DGLUCY: variants seen among roughly 807,000 people sequenced by gnomAD.
DGLUCY encodes D-glutamate cyclase.
Under a neutral mutation model 58.5 loss-of-function variants are expected in DGLUCY, and 58 were observed. The observed-to-expected ratio is 0.99, with a 90% CI of 0.80 to 1.23. The LOEUF (loss-of-function observed/expected upper bound fraction) is 1.23, where lower values mean the gene tolerates loss of function less well. Ranked by LOEUF, DGLUCY falls within the 50% of genes most tolerant of loss-of-function variation. DGLUCY has a pLI of 0.00. For missense variants in DGLUCY, 779 were observed against 784.7 expected (o/e 0.99, Z 0.09); for synonymous variants, 325 against 314.1 (o/e 1.03, Z -0.37).
At chr14:91,179,256 G>T (rs2049025533) in intron 7 of DGLUCY, among the ~76,000 whole-genome samples, 1 of 152,138 alleles carries the variant, frequency 6.6e-6, no homozygotes, top group African/African-American at 2.4e-5. Flanking sequence ...AGCACTTAAT[G>T]AGCTAGGCAT....
chr14:91,167,303 G>T lies in DGLUCY; in HGVS notation c.182G>T (p.Gly61Val). Reference sequence around the variant, plus strand: ...GAAAGATTCTGCCAGGTCAACACTGGTCCTCTACCCCTGCTGGGCCAGAGT... The same window carrying T: ...GAAAGATTCTGCCAGGTCAACACTGTTCCTCTACCCCTGCTGGGCCAGAGT... ...AFERFCQVNT[G>V]PLPLLGQSEP... Residue 61 changes from glycine (G) to valine (V), a missense_variant, in exon 4 of 14, where the codon GGT (glycine) becomes GTT (valine). Gly to Val is a moderately radical substitution (Grantham distance 109, BLOSUM62 -3). Coordinates refer to ENST00000256324, the MANE Select transcript of DGLUCY (RefSeq NM_001102368.3). 6.2e-7 allele frequency: 1 copy of T among 1,613,866 alleles called. No homozygotes were observed. The highest frequency in any genetic ancestry group is 2.2e-5 in the East Asian group (1 of 44,890).
At chr14:91,118,100 AGACG>A (rs1460824040) in intron 1 of DGLUCY, among the ~76,000 whole-genome samples, 2 of 98,754 alleles carry the variant, frequency 2.0e-5, no homozygotes, top group African/African-American at 8.3e-5. Context: ...TTTTTTTTTT[AGACG>A]GAGTCTCACT....
chr14:91,202,546 GGTTGGCTTCCAGCTTCCT>G lies in DGLUCY; in HGVS notation c.1445-2121_1445-2104del, dbSNP rs57212312. On this transcript the variant is annotated intron_variant, in intron 11 of 13. Coordinates refer to ENST00000256324, the MANE Select transcript of DGLUCY (RefSeq NM_001102368.3). Reference sequence around the variant, plus strand: ...GCTGTGGGTGTGGTGCACACAGTGCGGTTGGCTTCCAGCTTCCTGTTGGCTTCCAGCTTCCTGTTGGCT... The same window carrying G: ...GCTGTGGGTGTGGTGCACACAGTGCGGTTGGCTTCCAGCTTCCTGTTGGCT... Among the ~76,000 whole-genome samples the G allele has an allele frequency of 2.0e-3, 303 of 152,224 alleles. 2 individuals carry two copies. Among genetic ancestry groups the G allele is most frequent in the African/African-American group, 6.5e-3 (269 of 41,546 alleles).
exon 1 of DGLUCY, chr14:91,060,446 T>A (rs748448128): frequency 1.4e-6 from 2 of 1,453,418 alleles, no homozygotes; most frequent in South Asian, 2.9e-5. Context: ...TTCTCCTTTT[T>A]TTCCGATCCC....
At chr14:91,126,204 G>C (rs548316993) in intron 1 of DGLUCY, among the ~76,000 whole-genome samples, 69 of 152,282 alleles carry the variant, frequency 4.5e-4, no homozygotes, top group African/African-American at 1.6e-3. Context: ...ACAGCTCTGG[G>C]GGGTAGGAGT....
At chr14:91,064,417 A>G (rs1368699818) in intron 1 of DGLUCY, among the ~76,000 whole-genome samples, 1 of 151,874 alleles carries the variant, frequency 6.6e-6, no homozygotes, top group Non-Finnish European at 1.5e-5. Context: ...GATCGCTTGA[A>G]TTCAAGACCA....
chr14:91,214,485 C>T (rs1232059436), intron 12 of DGLUCY, among the ~76,000 whole-genome samples: 6 of 152,208 alleles, frequency 3.9e-5, no homozygotes, highest in East Asian at 1.9e-4. Flanking sequence ...CGATCCAGCG[C>T]GACGGGGCTG....
chr14:91,195,818 T>C (rs955713555), intron 9 of DGLUCY, among the ~76,000 whole-genome samples: 2 of 151,906 alleles, frequency 1.3e-5, no homozygotes, highest in African/African-American at 2.4e-5. Context: ...CTATAGGCGC[T>C]TGCCATCACG....
chr14:91,145,234 G>A (rs1457290828), intron 1 of DGLUCY: 1 of 152,184 alleles, frequency 6.6e-6, no homozygotes, highest in Non-Finnish European at 1.5e-5. Flanking sequence ...GAGAAGGAAA[G>A]GCAAGTGACT....
chr14:91,081,562 T>C, intron 1 of DGLUCY, among the ~76,000 whole-genome samples: 1 of 152,164 alleles, frequency 6.6e-6, no homozygotes, highest in South Asian at 2.1e-4. Flanking sequence ...ATGGGTCTTA[T>C]GGGCTAAGAT....
In DGLUCY at chr14:91,188,941, A is replaced by G; in HGVS notation, c.966A>G (p.Lys322=). 6.2e-7 allele frequency: 1 copy of G among 1,614,222 alleles called. No homozygotes were observed. Among genetic ancestry groups the G allele is most frequent in the South Asian group, 1.1e-5 (1 of 91,082 alleles). Residue 322 remains lysine, a synonymous_variant, in exon 9 of 14, where the codon AAA becomes AAG. Coordinates refer to ENST00000256324, the MANE Select transcript of DGLUCY (RefSeq NM_001102368.3). Reference sequence around the variant, plus strand: ...GGGGGATTGGGCACCTGCTCTGTAAAGATGAGCTGCTGAAGGCCTCTCTCT... The same window carrying G: ...GGGGGATTGGGCACCTGCTCTGTAAGGATGAGCTGCTGAAGGCCTCTCTCT... ...GNRGIGHLLC[K]DELLKASLSL...
intron 1 of DGLUCY, among the ~76,000 whole-genome samples, chr14:91,085,102 G>C (rs759731566): frequency 6.6e-6 from 1 of 151,426 alleles, no homozygotes; most frequent in Non-Finnish European, 1.5e-5. Flanking sequence ...TGCACTTGTC[G>C]TTCCTGCTAC....
chr14:91,162,344 A>C lies in DGLUCY; in HGVS notation c.103+1947A>C, dbSNP rs527840796. 6.4e-4 allele frequency among the ~76,000 whole-genome samples: 98 copies of C among 152,346 alleles called. 1 individual carries two copies. The highest frequency in any genetic ancestry group is 1.3e-3 in the Admixed American group (20 of 15,304). ...GTAAAAGGACTCAGAGAAATCACTCAGTTTATCTACAAAGAAAAGTGTTAC... is the reference window on the plus strand; with the variant it reads ...GTAAAAGGACTCAGAGAAATCACTCCGTTTATCTACAAAGAAAAGTGTTAC... On this transcript the variant is annotated intron_variant, in intron 3 of 13. Transcript: ENST00000256324.
intron 8 of DGLUCY, among the ~76,000 whole-genome samples, chr14:91,184,742 G>A (rs2049399864): frequency 6.6e-6 from 1 of 151,868 alleles, no homozygotes; most frequent in African/African-American, 2.4e-5. Context: ...CAATGACAGG[G>A]GCATCTGTAG....
At chr14:91,135,033 T>C (rs1043643767) in intron 1 of DGLUCY, among the ~76,000 whole-genome samples, 2 of 151,962 alleles carry the variant, frequency 1.3e-5, no homozygotes, top group African/African-American at 4.8e-5. Flanking sequence ...CAAGCAATCC[T>C]CCCACTAGCC....
chr14:91,064,099 G>A (rs988190054), intron 1 of DGLUCY, among the ~76,000 whole-genome samples: 1 of 152,216 alleles, frequency 6.6e-6, no homozygotes, highest in African/African-American at 2.4e-5. Context: ...TCTAGCGTGA[G>A]CAGCTAGTGG....
At chr14:91,127,737 C>T (rs1280463311) in intron 1 of DGLUCY, among the ~76,000 whole-genome samples, 1 of 152,202 alleles carries the variant, frequency 6.6e-6, no homozygotes, top group African/African-American at 2.4e-5. Context: ...CTTTTGCAAT[C>T]CTGAAATATG....
At chr14:91,196,744 TAAAAAAA>T (rs146566022) in intron 10 of DGLUCY, among the ~76,000 whole-genome samples, 1 of 94,864 alleles carries the variant, frequency 1.1e-5, no homozygotes, top group African/African-American at 4.1e-5. Flanking sequence ...GACATAGCAC[TAAAAAAA>T]AAAAAAAAAA....
intron 1 of DGLUCY, among the ~76,000 whole-genome samples, chr14:91,091,725 C>A (rs1013096325): frequency 1.3e-5 from 2 of 152,058 alleles, no homozygotes; most frequent in African/African-American, 4.8e-5. Context: ...CAGGTGCTGT[C>A]GTAAGAGATC....
Sources: gnomAD v4.1 joint callset for allele counts (sites outside exome capture counted in the v4.1 genomes callset) on GRCh38, gnomAD v4.1.1 for gene constraint, MANE v1.5 for transcripts, NCBI Gene and HGNC (gene_info 2026-07-23, HGNC 2026-07-21) for gene names.